Variants in CDH6 observed in about 807,000 individuals in gnomAD.
CDH6 encodes the protein cadherin-6.
CDH6 carries 31 observed loss-of-function variants against 78.0 expected under a neutral mutation model. The observed-to-expected ratio is 0.40, with a 90% confidence interval of 0.30 to 0.54. CDH6 has a LOEUF of 0.54. CDH6 is among the 20% of genes least tolerant of loss of function. The pLI is 0.56. For missense variants in CDH6, 724 were observed against 975.9 expected, an observed-to-expected ratio of 0.74 and a Z score of 3.44; for synonymous variants, 376 against 368.8, an observed-to-expected ratio of 1.02 and a Z score of -0.23.
Position 31,328,937 on chromosome 5 carries a change from T to C in CDH6, c.*5629T>C, listed in dbSNP as rs534711029. ...TCGAGAGTATTACCTTTTAGCTCAG[T>C]GTGGCCGGGCCTTTTGTTGCAGTCA... On this transcript the variant is annotated 3_prime_UTR_variant, in exon 12 of 12. Coordinates refer to ENST00000265071, the MANE Select transcript of CDH6 (RefSeq NM_004932.4). The C allele has an allele frequency of 4.5e-6, 1 of 221,582 alleles. No individual in the cohort carries two copies. The highest frequency in any genetic ancestry group is 9.0e-6 in the Non-Finnish European group (1 of 110,754). The allele number at this position is 221,582 out of a possible 1,614,324, so 13.7% of individuals were successfully genotyped here.
intron 7 of CDH6, among the ~76,000 whole-genome samples, chr5:31,307,798 G>A (rs774245708): frequency 9.2e-5 from 14 of 152,060 alleles, no homozygotes; most frequent in Non-Finnish European, 1.6e-4. Flanking sequence ...AATGTTTTGC[G>A]AATTCAGGCA....
chr5:31,207,897 C>T (rs1253985932), intron 1 of CDH6, among the ~76,000 whole-genome samples: 1 of 152,160 alleles, frequency 6.6e-6, no homozygotes, highest in Non-Finnish European at 1.5e-5. Context: ...CCGAGATGAC[C>T]TTGGTGCCTG....
At chr5:31,303,371 T>A (rs1268497042) in intron 6 of CDH6, among the ~76,000 whole-genome samples, 1 of 152,176 alleles carries the variant, frequency 6.6e-6, no homozygotes, top group Non-Finnish European at 1.5e-5. Context: ...ATGACTTGCA[T>A]CACAAAAAGA....
At chr5:31,287,663 A>G (rs950618206) in intron 2 of CDH6, among the ~76,000 whole-genome samples, 1 of 152,194 alleles carries the variant, frequency 6.6e-6, no homozygotes, top group Admixed American at 6.5e-5. Flanking sequence ...AGTAAGTACT[A>G]TGATTGTACT....
At chr5:31,292,746 A>AAT (rs376854148) in intron 2 of CDH6, among the ~76,000 whole-genome samples, 9,986 of 104,256 alleles carry the variant, frequency 0.096, 398 homozygotes, top group South Asian at 0.22. Context: ...CTGCAGACTG[A>AAT]ATATATATAT....
chr5:31,210,209 T>C (rs1479113123), intron 1 of CDH6, among the ~76,000 whole-genome samples: 1 of 152,050 alleles, frequency 6.6e-6, no homozygotes, highest in Non-Finnish European at 1.5e-5. Flanking sequence ...TAAACTATGA[T>C]TTAGTCACTT....
intron 2 of CDH6, among the ~76,000 whole-genome samples, chr5:31,286,548 G>A (rs796437611): frequency 6.6e-6 from 1 of 152,298 alleles, no homozygotes; most frequent in South Asian, 2.1e-4. Context: ...CTGGAACCAG[G>A]AGAGTTAAGG....
At chr5:31,260,204 A>T (rs1296204238) in intron 1 of CDH6, among the ~76,000 whole-genome samples, 1 of 152,186 alleles carries the variant, frequency 6.6e-6, no homozygotes, top group Non-Finnish European at 1.5e-5. Flanking sequence ...ATTCATTTTT[A>T]TGCTCACAGC....
chr5:31,231,252 G>A (rs1026977355), intron 1 of CDH6, among the ~76,000 whole-genome samples: 3 of 152,124 alleles, frequency 2.0e-5, no homozygotes, highest in Non-Finnish European at 4.4e-5. Context: ...TCTCCATAGT[G>A]GTTTAGCAAT....
At chr5:31,249,359 A>G (rs1741846850) in intron 1 of CDH6, 1 of 152,202 alleles carries the variant, frequency 6.6e-6, no homozygotes, top group African/African-American at 2.4e-5. Context: ...CCCGAGAACA[A>G]TCCACCTATT....
At chr5:31,244,841 C>T (rs1741699503) in intron 1 of CDH6, among the ~76,000 whole-genome samples, 1 of 152,104 alleles carries the variant, frequency 6.6e-6, no homozygotes, top group Non-Finnish European at 1.5e-5. Flanking sequence ...AGAAGAGGGT[C>T]CAGAGTTAGA....
chr5:31,203,843 A>C (rs1451044685), intron 1 of CDH6, among the ~76,000 whole-genome samples: 2 of 151,708 alleles, frequency 1.3e-5, no homozygotes, highest in African/African-American at 2.4e-5. Context: ...ACAATGGTTG[A>C]ACTAGTTTAC....
At chr5:31,301,339 A>G (rs2149951166) in intron 5 of CDH6, among the ~76,000 whole-genome samples, 1 of 152,322 alleles carries the variant, frequency 6.6e-6, no homozygotes. Context: ...CCTTGGTTTT[A>G]CTATTTTATA....
At chr5:31,199,975 G>T (rs1294095555) in intron 1 of CDH6, among the ~76,000 whole-genome samples, 1 of 151,876 alleles carries the variant, frequency 6.6e-6, no homozygotes, top group East Asian at 1.9e-4. Context: ...CTTAATGAAG[G>T]TGCTGTTAAC....
At chr5:31,295,887 C>T (rs1037618840) in intron 3 of CDH6, among the ~76,000 whole-genome samples, 4 of 152,140 alleles carry the variant, frequency 2.6e-5, no homozygotes, top group African/African-American at 9.7e-5. Context: ...AACGAATAGA[C>T]ATTTAAAATG....
At chr5:31,289,662 A>G (rs1195378879) in intron 2 of CDH6, among the ~76,000 whole-genome samples, 2 of 152,222 alleles carry the variant, frequency 1.3e-5, no homozygotes, top group Non-Finnish European at 2.9e-5. Flanking sequence ...TGTCTTAACA[A>G]TGCATATGCT....
At chr5:31,283,145 T>C (rs1742907027) in intron 2 of CDH6, among the ~76,000 whole-genome samples, 1 of 152,216 alleles carries the variant, frequency 6.6e-6, no homozygotes. Flanking sequence ...GGGAAGACGC[T>C]ACTGGCACCT....
In CDH6 at chr5:31,322,985, G is replaced by C; in HGVS notation, c.2050G>C (p.Glu684Gln). Reference sequence around the variant, plus strand: ...CACCCTGAGGAATCCTGAAGCCATAGAGGACAACAAATTACGAAGGGACAT... The same window carrying C: ...CACCCTGAGGAATCCTGAAGCCATACAGGACAACAAATTACGAAGGGACAT... ...IGTLRNPEAIEDNKLRRDIVP... is the reference protein window; with the variant it reads ...IGTLRNPEAIQDNKLRRDIVP... The change falls in exon 12 of 12, where the codon GAG becomes CAG. Residue 684 changes from glutamate to glutamine, a missense_variant. By Grantham distance (29) the Glu-to-Gln change is conservative (BLOSUM62 2). Transcript: ENST00000265071. 1 of 1,614,178 alleles carries C rather than the reference G, an allele frequency of 6.2e-7. No homozygotes were observed. Among genetic ancestry groups the C allele is most frequent in the Non-Finnish European group, 8.5e-7 (1 of 1,180,036 alleles).
In CDH6 at chr5:31,292,773, GTA is replaced by G. The variant is rs77048057; in HGVS notation, c.229-1187_229-1186del. On this transcript the variant is annotated intron_variant, in intron 2 of 11. Transcript: ENST00000265071. ...TATATATATATATATGTGCGTGTGT[GTA>G]TGTGTGTATATGTATATATATGTGT... Among the ~76,000 whole-genome samples, 273 of 86,976 alleles carry G rather than the reference GTA, an allele frequency of 3.1e-3. 2 individuals carry two copies. The highest frequency in any genetic ancestry group is 0.031 in the South Asian group (82 of 2,676). The allele number at this position is 86,976 out of a possible 152,430, so 57.1% of individuals were successfully genotyped here.
Sources: allele counts gnomAD v4.1 joint callset (sites outside exome capture counted in the v4.1 genomes callset), GRCh38; gene constraint gnomAD v4.1.1; transcripts MANE v1.5; gene names NCBI Gene and HGNC (gene_info 2026-07-23, HGNC 2026-07-21).